PDE8A: variants seen among roughly 807,000 people sequenced by gnomAD.
PDE8A encodes high affinity cAMP-specific and IBMX-insensitive 3',5'-cyclic phosphodiesterase 8A.
A neutral mutation model predicts 105.0 loss-of-function variants in PDE8A; 59 were observed. The observed-to-expected ratio is 0.56, with a 90% CI of 0.46 to 0.70. The LOEUF (loss-of-function observed/expected upper bound fraction) is 0.70. PDE8A is among the 30% of genes least tolerant of loss of function. The probability of loss-of-function intolerance (pLI) is 0.00; values close to 1 mark genes in which losing one functional copy is unlikely to be tolerated. For synonymous variants in PDE8A, 355 were observed against 371.9 expected, an observed-to-expected ratio of 0.95 and a Z score of 0.52; for missense variants, 1,014 against 1,045.9, an observed-to-expected ratio of 0.97 and a Z score of 0.42.
chr15:85,016,487 C>T (rs1377635819), intron 1 of PDE8A, among the ~76,000 whole-genome samples: 1 of 152,128 alleles, frequency 6.6e-6, no homozygotes, highest in East Asian at 1.9e-4. Flanking sequence ...GAGTTCATTT[C>T]TGGATTCTCT....
At chr15:85,125,173 G>A (rs1341607215) in intron 19 of PDE8A, among the ~76,000 whole-genome samples, 1 of 152,098 alleles carries the variant, frequency 6.6e-6, no homozygotes, top group Admixed American at 6.5e-5. Context: ...GGAAGTGTGG[G>A]AAGCCTAGAG....
chr15:85,083,426 C>T, intron 5 of PDE8A, 130 bp from the exon 6 acceptor site: 3 of 596,404 alleles, frequency 5.0e-6, no homozygotes, highest in Non-Finnish European at 9.1e-6. Context: ...ACCTTCTGTT[C>T]ATCATTAATG....
chr15:85,106,675 G>A (rs1417464063), intron 11 of PDE8A, among the ~76,000 whole-genome samples: 1 of 152,134 alleles, frequency 6.6e-6, no homozygotes, highest in Non-Finnish European at 1.5e-5. Context: ...AGAAGGAGCC[G>A]GTGTCAAGGC....
rs2081635592 is a variant in PDE8A, at chr15:85,091,119, C to T, written c.790C>T (p.Pro264Ser). Reference sequence around the variant, plus strand: ...AATAGGGAAGGAGTTAGGAGAAGTGCCTATAAATGAAAAAAAGGCTGACTT... The same window carrying T: ...AATAGGGAAGGAGTTAGGAGAAGTGTCTATAAATGAAAAAAAGGCTGACTT... The part of the protein sequence containing the change: ...ELIGKELGEV[P>S]INEKKADLLD... The change falls in exon 8 of 22, where the codon CCT becomes TCT. Residue 264 changes from proline (P) to serine (S), a missense_variant. Pro to Ser is a moderately conservative substitution (Grantham distance 74). Transcript: ENST00000394553. The T allele has an allele frequency of 2.5e-6, 4 of 1,612,660 alleles. No individual in the cohort carries two copies. The highest frequency in any genetic ancestry group is 3.4e-6 in the Non-Finnish European group (4 of 1,179,100).
chr15:85,104,477 C>T (rs2081917625), intron 11 of PDE8A, among the ~76,000 whole-genome samples: 1 of 151,980 alleles, frequency 6.6e-6, no homozygotes, highest in Non-Finnish European at 1.5e-5. Context: ...CTTAGGAAGA[C>T]AGTCATGGAG....
At chr15:85,097,822 T>A (rs1472341239) in intron 8 of PDE8A, 126 bp from the exon 9 acceptor site, 1 of 627,082 alleles carries the variant, frequency 1.6e-6, no homozygotes, top group Non-Finnish European at 2.9e-6. Context: ...GAAATCAGTT[T>A]GGGGTTGGGA....
chr15:84,986,683 G>A (rs540248812), intron 1 of PDE8A, among the ~76,000 whole-genome samples: 35 of 151,870 alleles, frequency 2.3e-4, no homozygotes, highest in Non-Finnish European at 4.4e-4. Context: ...CACAACCATG[G>A]CTCACTCAGC....
At position 85,064,837 on chromosome 15, in the gene PDE8A, G is replaced by A. The variant is rs145219155; in HGVS notation, c.243+411G>A. On this transcript the variant is annotated intron_variant, in intron 2 of 21. Transcript: ENST00000394553. ...AACAATAAATTAGATGGACATGGGG[G>A]TGTGTGTGCCTGTGGTCCCAGCTAC... Among the ~76,000 whole-genome samples the A allele has an allele frequency of 3.3e-5, 5 of 151,998 alleles. No homozygotes were observed. In the South Asian group the frequency reaches 8.3e-4, roughly 25 times the overall value.
At chr15:85,098,140 G>A (rs2081791755) in intron 9 of PDE8A, 104 bp downstream of exon 9, 2 of 726,464 alleles carry the variant, frequency 2.8e-6, no homozygotes, top group Middle Eastern at 2.5e-4. Flanking sequence ...AAGTGTCAAG[G>A]TCAGGTGTCA....
intron 1 of PDE8A, among the ~76,000 whole-genome samples, chr15:85,044,673 G>C (rs2080860993): frequency 6.6e-6 from 1 of 152,168 alleles, no homozygotes; most frequent in African/African-American, 2.4e-5. Flanking sequence ...TCCTAAATCT[G>C]TTTATCTCTG....
At chr15:85,054,689 A>G (rs892043813) in intron 1 of PDE8A, among the ~76,000 whole-genome samples, 39 of 151,938 alleles carry the variant, frequency 2.6e-4, no homozygotes, top group African/African-American at 9.2e-4. Context: ...TATTGTGTCT[A>G]TTTGATTCTT....
chr15:85,100,366 G>T, intron 11 of PDE8A, 168 bp downstream of exon 11: 1 of 630,938 alleles, frequency 1.6e-6, no homozygotes, highest in South Asian at 2.0e-5. Context: ...TTGTACAGAG[G>T]ACTTGAGCGC....
chr15:85,067,182 C>T lies in PDE8A; in HGVS notation c.412C>T (p.Leu138=). The change falls in exon 3 of 22, where the codon CTG becomes TTG. Residue 138 remains leucine (L), a synonymous_variant. Coordinates refer to ENST00000394553, the MANE Select transcript of PDE8A (RefSeq NM_002605.3). ...CATAGACCACAGAAATCCTCGACAG[C>T]TGGATGCAGAGGCACTGTGCAGGTA... The part of the protein sequence containing the change: ...IIIDHRNPRQ[L]DAEALCRSIR... 6.2e-7 allele frequency: 1 copy of T among 1,613,634 alleles called. No homozygotes were observed. Among genetic ancestry groups the T allele is most frequent in the Non-Finnish European group, 8.5e-7 (1 of 1,179,738 alleles).
At position 85,120,960 on chromosome 15, in the gene PDE8A, C is replaced by T. The variant is rs772504111; in HGVS notation, c.1898C>T (p.Ala633Val). The change falls in exon 18 of 22, where the codon GCC (alanine) becomes GTC (valine). Residue 633 changes from alanine to valine, a missense_variant. Ala to Val is a moderately conservative substitution (Grantham distance 64). Transcript: ENST00000394553. The stretch of plus-strand genomic sequence containing the variant: ...CTGGAGAGCCACCATGCGGCCTTGG[C>T]CTTCCAGCTGACCACTGGAGATGAT... ...AVLESHHAAL[A>V]FQLTTGDDKC... The T allele has an allele frequency of 9.2e-5, 148 of 1,613,880 alleles. 1 individual carries two copies. Among genetic ancestry groups the T allele is most frequent in the Non-Finnish European group, 1.2e-4 (136 of 1,179,936 alleles).
Position 85,091,201 on chromosome 15 carries a change from C to T in PDE8A, c.852+20C>T. 1 of 1,574,680 alleles carries T rather than the reference C, an allele frequency of 6.4e-7. No individual in the cohort carries two copies. The highest frequency in any genetic ancestry group is 8.6e-7 in the Non-Finnish European group (1 of 1,159,834). On this transcript the variant is annotated intron_variant, in intron 8 of 21. Transcript: ENST00000394553. ...GGCAAGGTAAGTAAGAGGTCAGTGC[C>T]TTTTTTAACTTTCACAACACAGAGA...
chr15:85,060,799 T>C (rs2081132320), intron 1 of PDE8A, among the ~76,000 whole-genome samples: 1 of 152,204 alleles, frequency 6.6e-6, no homozygotes, highest in Admixed American at 6.5e-5. Flanking sequence ...TCTTAAATCA[T>C]GTAGGAAACA....
At chr15:85,137,759 G>T in intron 21 of PDE8A, 38 bp from the exon 22 acceptor site, 1 of 1,236,260 alleles carries the variant, frequency 8.1e-7, no homozygotes, top group Non-Finnish European at 1.2e-6. Context: ...GTAAACAGAG[G>T]CTGTGAAAGC....
In PDE8A at chr15:84,981,930, G is replaced by T; in HGVS notation, c.-233G>T. 3.8e-6 allele frequency: 1 copy of T among 261,926 alleles called. No individual in the cohort carries two copies. Among genetic ancestry groups the T allele is most frequent in the South Asian group, 1.6e-4 (1 of 6,382 alleles). The allele number at this position is 261,926 out of a possible 1,614,324, so 16.2% of individuals were successfully genotyped here. On this transcript the variant is annotated 5_prime_UTR_variant, in exon 1 of 22. Coordinates refer to ENST00000394553, the MANE Select transcript of PDE8A (RefSeq NM_002605.3). The stretch of plus-strand genomic sequence containing the variant: ...TCAGGAAGGGCATGTTCGGAGGGGC[G>T]GCCTCGGCACGCCACCCGCCTAAGC...
At chr15:85,085,782 T>C (rs1026544877) in intron 6 of PDE8A, among the ~76,000 whole-genome samples, 9 of 150,462 alleles carry the variant, frequency 6.0e-5, no homozygotes, top group Non-Finnish European at 5.9e-5. Context: ...CTGAGGTTGG[T>C]GGATCACCTG....
Sources: gnomAD v4.1 joint callset for allele counts (sites outside exome capture counted in the v4.1 genomes callset) on GRCh38, gnomAD v4.1.1 for gene constraint, MANE v1.5 for transcripts, NCBI Gene and HGNC (gene_info 2026-07-23, HGNC 2026-07-21) for gene names.